The following PBX4 variants were observed in gnomAD, a reference collection of about 807,000 sequenced individuals.
PBX4 encodes PBX homeobox 4, also known as pre-B-cell leukemia transcription factor 4.
Under a neutral mutation model 35.1 loss-of-function variants are expected in PBX4, and 26 were observed. The observed-to-expected ratio is 0.74, with a 90% CI of 0.54 to 1.03. The LOEUF (loss-of-function observed/expected upper bound fraction) is 1.03. Among genes scored for constraint, PBX4 ranks in the 50% least tolerant of loss-of-function variants. The pLI, the probability that PBX4 is intolerant of heterozygous loss-of-function variation, is 0.00. For synonymous variants in PBX4, 199 were observed against 204.2 expected (o/e 0.97, Z 0.22); for missense variants, 448 against 504.3 (o/e 0.89, Z 1.07).
At chr19:19,577,217 CAAATT>C (rs2061425378) in intron 2 of PBX4, among the ~76,000 whole-genome samples, 1 of 150,302 alleles carries the variant, frequency 6.7e-6, no homozygotes, top group Admixed American at 6.7e-5. Flanking sequence ...AAAAAACTCT[CAAATT>C]AAAGTGAGAA....
chr19:19,570,944 C>T (rs879195674), intron 2 of PBX4, 111 bp from the exon 3 acceptor site: 16 of 1,393,004 alleles, frequency 1.1e-5, no homozygotes, highest in South Asian at 2.7e-5. Flanking sequence ...TAGAACCCTT[C>T]GGGAGAAAGG....
chr19:19,589,311 C>G (rs1277665498), intron 2 of PBX4, among the ~76,000 whole-genome samples: 2 of 151,648 alleles, frequency 1.3e-5, no homozygotes, highest in African/African-American at 4.8e-5. Flanking sequence ...GCCTGTAGTC[C>G]CAACTACTCA....
At chr19:19,597,993 A>G (rs1021888823) in intron 2 of PBX4, among the ~76,000 whole-genome samples, 1 of 152,196 alleles carries the variant, frequency 6.6e-6, no homozygotes, top group African/African-American at 2.4e-5. Context: ...CTACAAAATG[A>G]CTGAGCGCTT....
At chr19:19,611,973 C>T (rs1388522302) in intron 1 of PBX4, among the ~76,000 whole-genome samples, 1 of 151,498 alleles carries the variant, frequency 6.6e-6, no homozygotes, top group East Asian at 1.9e-4. Context: ...TCTGTATCTA[C>T]AAAAAAATGT....
intron 1 of PBX4, among the ~76,000 whole-genome samples, chr19:19,607,173 C>T (rs1599380348): frequency 6.6e-6 from 1 of 152,046 alleles, no homozygotes; most frequent in Non-Finnish European, 1.5e-5. Flanking sequence ...TGTGCCTCAG[C>T]CTCCCAAGTA....
chr19:19,618,671 C>T lies in PBX4; in HGVS notation c.-42G>A. On this transcript the variant is annotated 5_prime_UTR_variant, in exon 1 of 8. Coordinates refer to ENST00000251203, the MANE Select transcript of PBX4 (RefSeq NM_025245.3). ...CGGGCGCTGTGAGGGTGCCGTCGAGCCTGGAGCACTACCACTGGCGCCGCA... is the reference window on the plus strand; with the variant it reads ...CGGGCGCTGTGAGGGTGCCGTCGAGTCTGGAGCACTACCACTGGCGCCGCA... 2 of 1,187,560 alleles carry T rather than the reference C, an allele frequency of 1.7e-6. No individual in the cohort carries two copies. The highest frequency in any genetic ancestry group is 1.0e-6 in the Non-Finnish European group (1 of 959,492). The allele number at this position is 1,187,560 out of a possible 1,614,324, so 73.6% of individuals were successfully genotyped here. A position where few individuals can be genotyped will look rare whatever the true frequency, so the allele number is the denominator to read the frequency against.
chr19:19,588,188 A>G, intron 2 of PBX4: 1 of 1,337,094 alleles, frequency 7.5e-7, no homozygotes, highest in South Asian at 1.2e-5. Flanking sequence ...CTTCTCCTGG[A>G]TGGTGCACTC....
intron 2 of PBX4, among the ~76,000 whole-genome samples, chr19:19,576,153 G>T (rs2061418100): frequency 6.6e-6 from 1 of 152,170 alleles, no homozygotes; most frequent in South Asian, 2.1e-4. Context: ...ACTTTGGGAG[G>T]CTGAGGTGGT....
At chr19:19,571,638 G>T (rs1223517058) in intron 2 of PBX4, among the ~76,000 whole-genome samples, 1 of 152,120 alleles carries the variant, frequency 6.6e-6, no homozygotes, top group Admixed American at 6.6e-5. Flanking sequence ...AGACTCCAGG[G>T]TCATTCCCAG....
chr19:19,596,640 G>A lies in PBX4; in HGVS notation c.193+2652C>T, dbSNP rs139443997. On this transcript the variant is annotated intron_variant, in intron 2 of 7. Coordinates refer to ENST00000251203, the MANE Select transcript of PBX4 (RefSeq NM_025245.3). Reference sequence around the variant, plus strand: ...TAGAGAATTGGGTGAAGCAGGCAGAGGCAGAACAGAATATGAGCCTGGTTG... The same window carrying A: ...TAGAGAATTGGGTGAAGCAGGCAGAAGCAGAACAGAATATGAGCCTGGTTG... 9.5e-3 allele frequency among the ~76,000 whole-genome samples: 1,439 copies of A among 152,170 alleles called. 14 individuals carry two copies. The highest frequency in any genetic ancestry group is 0.041 in the Middle Eastern group (12 of 294).
intron 2 of PBX4, among the ~76,000 whole-genome samples, chr19:19,589,561 G>C (rs192108207): frequency 2.4e-4 from 37 of 152,218 alleles, no homozygotes; most frequent in African/African-American, 7.7e-4. Flanking sequence ...CCTGAGGTCA[G>C]GAGTTCGAAA....
intron 2 of PBX4, among the ~76,000 whole-genome samples, chr19:19,574,516 C>T (rs117295313): frequency 3.0e-4 from 46 of 152,264 alleles, no homozygotes; most frequent in African/African-American, 8.7e-4. Flanking sequence ...CCCTCCTCAC[C>T]GGCTCACTCA....
At chr19:19,610,608 G>A (rs145300899) in intron 1 of PBX4, among the ~76,000 whole-genome samples, 1 of 152,002 alleles carries the variant, frequency 6.6e-6, no homozygotes, top group African/African-American at 2.4e-5. Context: ...AAAATTAGCC[G>A]GGTGTGGTGG....
At chr19:19,575,653 T>G (rs1357317486) in intron 2 of PBX4, among the ~76,000 whole-genome samples, 1 of 152,160 alleles carries the variant, frequency 6.6e-6, no homozygotes, top group East Asian at 1.9e-4. Flanking sequence ...CCATCCCTCA[T>G]GCACACCTGC....
chr19:19,587,054 G>C (rs1288029666), intron 2 of PBX4, among the ~76,000 whole-genome samples: 2 of 151,818 alleles, frequency 1.3e-5, no homozygotes, highest in African/African-American at 4.8e-5. Flanking sequence ...GCCCAGGCTG[G>C]AGTGCAGTGG....
rs1383451944 is a variant in PBX4, at chr19:19,570,160, T to C, written c.581A>G (p.Gln194Arg). ...KFSAIQMQLK[Q>R]STCEAVMTLR... Reference sequence around the variant, plus strand: ...GGTCATCACTGCCTCACAGGTGCTCTGCTTCAACTGCATCTGGATGGCGCT... The same window carrying C: ...GGTCATCACTGCCTCACAGGTGCTCCGCTTCAACTGCATCTGGATGGCGCT... Residue 194 changes from glutamine (Q) to arginine (R), a missense_variant, in exon 4 of 8, where the codon CAG becomes CGG. Physicochemically the swap from Gln to Arg is conservative, Grantham distance 43. Transcript: ENST00000251203. The C allele has an allele frequency of 1.2e-6, 2 of 1,613,610 alleles. No individual in the cohort carries two copies. The highest frequency in any genetic ancestry group is 1.3e-5 in the African/African-American group (1 of 74,950).
chr19:19,592,158 T>C (rs1332372902), intron 2 of PBX4, among the ~76,000 whole-genome samples: 2 of 152,256 alleles, frequency 1.3e-5, no homozygotes, highest in Admixed American at 1.3e-4. Context: ...GCTGGGATTA[T>C]AGGCGTGAGC....
intron 5 of PBX4, among the ~76,000 whole-genome samples, chr19:19,566,596 C>T (rs1190096832): frequency 6.6e-6 from 1 of 152,144 alleles, no homozygotes; most frequent in African/African-American, 2.4e-5. Context: ...GCGATCTCAG[C>T]TCACTGCAAC....
At chr19:19,591,873 T>G (rs1233899923) in intron 2 of PBX4, among the ~76,000 whole-genome samples, 4 of 152,202 alleles carry the variant, frequency 2.6e-5, no homozygotes, top group Admixed American at 2.6e-4. Context: ...TTTTTATATT[T>G]TTTTAGAGGC....
Sources: gnomAD v4.1 joint callset for allele counts (sites outside exome capture counted in the v4.1 genomes callset) on GRCh38, gnomAD v4.1.1 for gene constraint, MANE v1.5 for transcripts, NCBI Gene and HGNC (gene_info 2026-07-23, HGNC 2026-07-21) for gene names.